IGSF21: variants seen among roughly 807,000 people sequenced by gnomAD.
IGSF21 encodes immunoglobulin superfamily member 21.
IGSF21 carries 28 observed loss-of-function variants against 46.8 expected under a neutral mutation model. The observed-to-expected ratio is 0.60, with a 90% CI of 0.44 to 0.82. The LOEUF (loss-of-function observed/expected upper bound fraction) is 0.82. Ranked by LOEUF, IGSF21 falls within the 40% of genes least tolerant of loss-of-function variation. IGSF21 has a pLI of 0.00. For synonymous variants in IGSF21, 284 were observed against 273.6 expected, an observed-to-expected ratio of 1.04 and a Z score of -0.38; for missense variants, 624 against 665.5, an observed-to-expected ratio of 0.94 and a Z score of 0.69.
At chr1:18,209,274 C>A (rs577630456) in intron 1 of IGSF21, among the ~76,000 whole-genome samples, 1 of 152,142 alleles carries the variant, frequency 6.6e-6, no homozygotes, top group Admixed American at 6.5e-5. Flanking sequence ...ATGATTCCTG[C>A]TTAATAGATA....
chr1:18,243,742 A>G (rs2084756129), intron 2 of IGSF21, among the ~76,000 whole-genome samples: 1 of 151,944 alleles, frequency 6.6e-6, no homozygotes, highest in Admixed American at 6.6e-5. Context: ...GCCAGCCCAC[A>G]CCTCCAGATC....
At chr1:18,134,504 T>C (rs142472000) in intron 1 of IGSF21, among the ~76,000 whole-genome samples, 5 of 152,320 alleles carry the variant, frequency 3.3e-5, no homozygotes, top group South Asian at 2.1e-4. Context: ...CACTATCCGC[T>C]CATCTCCCAG....
intron 3 of IGSF21, among the ~76,000 whole-genome samples, chr1:18,331,165 A>G (rs1028951551): frequency 1.3e-5 from 2 of 152,034 alleles, no homozygotes; most frequent in African/African-American, 4.8e-5. Context: ...GTTTGGTTAC[A>G]TAAGTTCTTT....
intron 1 of IGSF21, among the ~76,000 whole-genome samples, chr1:18,196,396 G>C (rs562007231): frequency 6.6e-6 from 1 of 152,132 alleles, no homozygotes; most frequent in Non-Finnish European, 1.5e-5. Context: ...CCATGCCTTG[G>C]ATACTTCCTG....
At chr1:18,210,263 C>T (rs981081127) in intron 1 of IGSF21, among the ~76,000 whole-genome samples, 1 of 152,174 alleles carries the variant, frequency 6.6e-6, no homozygotes, top group South Asian at 2.1e-4. Flanking sequence ...GGATCCCCCC[C>T]AGACACTCTC....
intron 2 of IGSF21, among the ~76,000 whole-genome samples, chr1:18,282,635 T>TACACACACACACAC (rs10522294): frequency 6.1e-4 from 84 of 137,642 alleles, no homozygotes; most frequent in African/African-American, 2.2e-3. Flanking sequence ...TCCCCTTACA[T>TACACACACACACAC]ACACACACAC....
intron 2 of IGSF21, among the ~76,000 whole-genome samples, chr1:18,279,743 T>C (rs556209919): frequency 1.4e-4 from 21 of 152,366 alleles, no homozygotes; most frequent in African/African-American, 4.8e-4. Flanking sequence ...CAGGCTTCAC[T>C]GGGCTGGGCT....
At chr1:18,271,847 T>A (rs1046448331) in intron 2 of IGSF21, among the ~76,000 whole-genome samples, 1 of 152,118 alleles carries the variant, frequency 6.6e-6, no homozygotes, top group African/African-American at 2.4e-5. Flanking sequence ...GGTGAGTAGC[T>A]GGCATGGAGG....
chr1:18,108,538 C>T (rs2086112851), intron 1 of IGSF21, among the ~76,000 whole-genome samples: 2 of 150,536 alleles, frequency 1.3e-5, no homozygotes, highest in African/African-American at 4.9e-5. Flanking sequence ...GTGGGGTCTG[C>T]GTGTGAGTGA....
intron 2 of IGSF21, among the ~76,000 whole-genome samples, chr1:18,280,236 G>A (rs1274836921): frequency 2.0e-5 from 3 of 152,012 alleles, no homozygotes; most frequent in Non-Finnish European, 4.4e-5. Context: ...CCATGCTCCC[G>A]CCCCCCACAC....
chr1:18,130,975 G>A (rs921581072), intron 1 of IGSF21, among the ~76,000 whole-genome samples: 4 of 152,206 alleles, frequency 2.6e-5, no homozygotes, highest in African/African-American at 9.7e-5. Context: ...GACAGCCTCG[G>A]GCCGGCTGAT....
intron 2 of IGSF21, among the ~76,000 whole-genome samples, chr1:18,256,442 C>A (rs1047126192): frequency 3.9e-5 from 6 of 152,298 alleles, no homozygotes; most frequent in African/African-American, 1.4e-4. Context: ...AGCTGTCTCC[C>A]TAACGTTTGT....
In IGSF21 at chr1:18,275,430, G is replaced by A. The variant is rs923534309; in HGVS notation, c.184-16436G>A. 2.0e-5 allele frequency among the ~76,000 whole-genome samples: 3 copies of A among 152,176 alleles called. No homozygotes were observed. The South Asian group carries it at 6.2e-4, about 32-fold the overall frequency. On this transcript the variant is annotated intron_variant, in intron 2 of 9. Transcript: ENST00000251296. Reference sequence around the variant, plus strand: ...CCCATTCTTGGAGCCTGGCTGTGATGAGAAGCAGAGGTGGGCCCAGCTGCC... The same window carrying A: ...CCCATTCTTGGAGCCTGGCTGTGATAAGAAGCAGAGGTGGGCCCAGCTGCC...
intron 1 of IGSF21, among the ~76,000 whole-genome samples, chr1:18,203,901 T>C (rs1408008741): frequency 6.6e-6 from 1 of 152,224 alleles, no homozygotes; most frequent in Non-Finnish European, 1.5e-5. Context: ...TAACTATTTA[T>C]AAATATGCAA....
intron 4 of IGSF21, among the ~76,000 whole-genome samples, chr1:18,357,999 T>C (rs1363730030): frequency 6.6e-6 from 1 of 152,000 alleles, no homozygotes; most frequent in East Asian, 1.9e-4. Flanking sequence ...AGGGTCTGTG[T>C]GGGTGGTGCG....
intron 2 of IGSF21, among the ~76,000 whole-genome samples, chr1:18,273,334 CCTTTCCTTTCCTTTCCTTT>C (rs1311000568): frequency 0.02 from 1,530 of 75,846 alleles, 80 homozygotes; most frequent in African/African-American, 0.034. Context: ...AGCCACCATT[CCTTTCCTTTCCTTTCCTTT>C]CCTTTCCTTT....
In IGSF21 at chr1:18,333,513, A is replaced by G. The variant is rs1569829379; in HGVS notation, c.306-1379A>G. On this transcript the variant is annotated intron_variant, in intron 3 of 9. Transcript: ENST00000251296. ...AAAAGTCCTGCAGGGACATCATTGCATTTAATCTTCACTGCAGTCACAGGA... is the reference window on the plus strand; with the variant it reads ...AAAAGTCCTGCAGGGACATCATTGCGTTTAATCTTCACTGCAGTCACAGGA... Among the ~76,000 whole-genome samples the G allele has an allele frequency of 2.6e-5, 4 of 152,318 alleles. No homozygotes were observed. The East Asian group carries it at 7.7e-4, about 29-fold the overall frequency.
At chr1:18,303,803 G>T (rs534468097) in intron 3 of IGSF21, among the ~76,000 whole-genome samples, 1 of 152,288 alleles carries the variant, frequency 6.6e-6, no homozygotes, top group Non-Finnish European at 1.5e-5. Flanking sequence ...GTGGGGCTCT[G>T]CCAGGAAGAG....
chr1:18,247,113 C>T (rs974458481), intron 2 of IGSF21, among the ~76,000 whole-genome samples: 2 of 148,934 alleles, frequency 1.3e-5, no homozygotes, highest in Non-Finnish European at 3.0e-5. Flanking sequence ...TGCAGTGGCA[C>T]GATCTCTGCA....
Sources: allele counts gnomAD v4.1 joint callset (sites outside exome capture counted in the v4.1 genomes callset), GRCh38; gene constraint gnomAD v4.1.1; transcripts MANE v1.5; gene names NCBI Gene and HGNC (gene_info 2026-07-23, HGNC 2026-07-21).